ZNF385D: variants seen among roughly 807,000 people sequenced by gnomAD.
ZNF385D encodes zinc finger protein 659.
In ZNF385D, 15 loss-of-function variants were observed where a neutral mutation model predicts 35.8. The observed-to-expected ratio is 0.42, with a 90% CI of 0.28 to 0.64. The LOEUF (loss-of-function observed/expected upper bound fraction) is 0.64. Ranked by LOEUF, ZNF385D falls within the 30% of genes least tolerant of loss-of-function variation. The pLI is 0.23. For synonymous variants in ZNF385D, 212 were observed against 186.8 expected (o/e 1.13, Z -1.10); for missense variants, 474 against 494.6 (o/e 0.96, Z 0.39).
chr3:22,255,035 A>G (rs1195823335), intron 2 of ZNF385D, among the ~76,000 whole-genome samples: 7 of 151,888 alleles, frequency 4.6e-5, no homozygotes, highest in Non-Finnish European at 8.8e-5. Context: ...GCAAACATGC[A>G]ATTTAAAATC....
chr3:22,094,651 A>T (rs1323959769), intron 3 of ZNF385D, among the ~76,000 whole-genome samples: 1 of 152,088 alleles, frequency 6.6e-6, no homozygotes, highest in Non-Finnish European at 1.5e-5. Context: ...TGGTTCAAAG[A>T]CTGCCCAGAG....
At chr3:21,762,903 A>C (rs984379333) in intron 3 of ZNF385D, among the ~76,000 whole-genome samples, 16 of 152,170 alleles carry the variant, frequency 1.1e-4, no homozygotes, top group African/African-American at 3.1e-4. Context: ...TTTTGGTTCT[A>C]CGTCACAGCT....
chr3:21,970,639 A>G (rs1310613529), intron 3 of ZNF385D, among the ~76,000 whole-genome samples: 1 of 152,066 alleles, frequency 6.6e-6, no homozygotes, highest in East Asian at 1.9e-4. Flanking sequence ...TTGAGGTAGA[A>G]AGATTATTCA....
chr3:22,290,019 A>G (rs917524445), intron 2 of ZNF385D, among the ~76,000 whole-genome samples: 3 of 152,134 alleles, frequency 2.0e-5, no homozygotes, highest in Admixed American at 6.5e-5. Context: ...TTCTGCCTCA[A>G]TCTTGAGAGA....
chr3:22,244,364 T>TAAAAAAAAAAAAAAAAAAAAAAAAAAAA (rs34497539), intron 2 of ZNF385D, among the ~76,000 whole-genome samples: 3 of 62,560 alleles, frequency 4.8e-5, no homozygotes, highest in Non-Finnish European at 6.2e-5. Flanking sequence ...CAACCGAATG[T>TAAAAAAAAAAAAAAAAAAAAAAAAAAAA]AAAAAAAAAA....
chr3:22,072,379 T>C (rs1700269838), intron 3 of ZNF385D, among the ~76,000 whole-genome samples: 1 of 152,046 alleles, frequency 6.6e-6, no homozygotes, highest in Admixed American at 6.6e-5. Context: ...AACTACTCAA[T>C]GTTTTGGTTA....
In ZNF385D at chr3:21,751,166, G is replaced by T. The variant is rs1263684782; in HGVS notation, c.-250C>A. The T allele has an allele frequency of 7.1e-7, 1 of 1,412,322 alleles. No individual in the cohort carries two copies. Among genetic ancestry groups the T allele is most frequent in the Admixed American group, 3.0e-5 (1 of 33,854 alleles). The allele number at this position is 1,412,322 out of a possible 1,614,324, so 87.5% of individuals were successfully genotyped here. On this transcript the variant is annotated 5_prime_UTR_variant, in exon 1 of 8. The change creates a premature stop within an existing upstream ORF in the 5' untranslated region. Coordinates refer to ENST00000281523, the MANE Select transcript of ZNF385D (RefSeq NM_024697.3). ...GCACTGCCCATCCTTACTGTAATCC[G>T]ACTCCTCCTTGCGATGTCCTTGCCG...
intron 3 of ZNF385D, among the ~76,000 whole-genome samples, chr3:21,812,664 G>A (rs1278404133): frequency 8.5e-5 from 13 of 152,248 alleles, no homozygotes; most frequent in Admixed American, 8.5e-4. Flanking sequence ...GTGCGCCATT[G>A]CTGAGGCTTG....
intron 3 of ZNF385D, among the ~76,000 whole-genome samples, chr3:22,088,454 A>C (rs530665253): frequency 6.6e-6 from 1 of 152,246 alleles, no homozygotes; most frequent in East Asian, 1.9e-4. Context: ...GGCACCATTC[A>C]ACGTGGTGTG....
chr3:21,468,665 C>T (rs1352389005), intron 4 of ZNF385D, among the ~76,000 whole-genome samples: 1 of 152,110 alleles, frequency 6.6e-6, no homozygotes, highest in Non-Finnish European at 1.5e-5. Flanking sequence ...GTGGCTCACG[C>T]CTGTAATCCC....
intron 3 of ZNF385D, among the ~76,000 whole-genome samples, chr3:21,853,682 C>T (rs552300497): frequency 2.0e-5 from 3 of 151,682 alleles, no homozygotes; most frequent in East Asian, 1.9e-4. Context: ...GATTTTATTA[C>T]GTGTTAATGT....
intron 2 of ZNF385D, among the ~76,000 whole-genome samples, chr3:21,592,557 C>CAA (rs67997432): frequency 1.7e-5 from 2 of 114,860 alleles, no homozygotes; most frequent in African/African-American, 7.3e-5. Flanking sequence ...AAAAAAAAAC[C>CAA]AAAAACAAAA....
At chr3:21,849,161 G>T (rs144251406) in intron 3 of ZNF385D, among the ~76,000 whole-genome samples, 6 of 152,010 alleles carry the variant, frequency 3.9e-5, no homozygotes, top group Non-Finnish European at 7.4e-5. Flanking sequence ...CTAATTCAAC[G>T]CATTTTACTA....
intron 2 of ZNF385D, among the ~76,000 whole-genome samples, chr3:22,296,590 A>G (rs544455575): frequency 4.6e-5 from 7 of 152,192 alleles, no homozygotes; most frequent in Admixed American, 6.5e-5. Flanking sequence ...GTACAAAGAG[A>G]ACTTTTGATG....
At chr3:22,297,271 T>A (rs998930942) in intron 2 of ZNF385D, among the ~76,000 whole-genome samples, 9 of 152,156 alleles carry the variant, frequency 5.9e-5, no homozygotes, top group African/African-American at 2.2e-4. Flanking sequence ...TACATATGTC[T>A]GAACACCCCA....
chr3:21,629,028 T>C (rs3860583), intron 2 of ZNF385D, among the ~76,000 whole-genome samples: 76,108 of 151,884 alleles, frequency 0.5, 19,249 homozygotes, highest in African/African-American at 0.53. Flanking sequence ...CAACCAATAC[T>C]GACCATTACA....
intron 3 of ZNF385D, among the ~76,000 whole-genome samples, chr3:22,021,711 C>A (rs1249070857): frequency 1.3e-5 from 2 of 152,022 alleles, no homozygotes; most frequent in East Asian, 1.9e-4. Flanking sequence ...ATGATGAAAA[C>A]TGGCTTAGGA....
intron 3 of ZNF385D, among the ~76,000 whole-genome samples, chr3:22,013,232 A>G (rs962157738): frequency 6.6e-6 from 1 of 151,912 alleles, no homozygotes; most frequent in Non-Finnish European, 1.5e-5. Context: ...AATGAAAATA[A>G]TACTTGCTTA....
intron 2 of ZNF385D, among the ~76,000 whole-genome samples, chr3:22,272,358 C>T (rs1188727785): frequency 6.6e-6 from 1 of 151,860 alleles, no homozygotes; most frequent in Non-Finnish European, 1.5e-5. Context: ...TTTCTAAATT[C>T]TAAACTTAGA....
Sources: allele counts gnomAD v4.1 joint callset (sites outside exome capture counted in the v4.1 genomes callset), GRCh38; gene constraint gnomAD v4.1.1; transcripts MANE v1.5; gene names NCBI Gene and HGNC (gene_info 2026-07-23, HGNC 2026-07-21).